The following LAMA3 variants were observed in gnomAD, a reference collection of about 807,000 sequenced individuals.
LAMA3 encodes the protein laminin subunit alpha 3.
LAMA3 carries 281 observed loss-of-function variants against 402.0 expected under a neutral mutation model. The observed-to-expected ratio is 0.70, with a 90% CI of 0.63 to 0.77. The LOEUF (loss-of-function observed/expected upper bound fraction) is 0.77. Among genes scored for constraint, LAMA3 ranks in the 30% least tolerant of loss-of-function variants. The pLI, the probability that LAMA3 is intolerant of heterozygous loss-of-function variation, is 0.00. For missense variants in LAMA3, 3,840 were observed against 4,215.5 expected (o/e 0.91, Z 2.47); for synonymous variants, 1,431 against 1,558.4 (o/e 0.92, Z 1.93).
intron 10 of LAMA3, among the ~76,000 whole-genome samples, chr18:23,776,913 T>C (rs760019683): frequency 9.3e-5 from 14 of 151,182 alleles, no homozygotes; most frequent in Non-Finnish European, 1.6e-4. Context: ...CGATCTTGGC[T>C]CACTGCAACC....
At chr18:23,877,467 ACAGGG>A (rs2064759786) in intron 39 of LAMA3, among the ~76,000 whole-genome samples, 1 of 152,204 alleles carries the variant, frequency 6.6e-6, no homozygotes, top group African/African-American at 2.4e-5. Flanking sequence ...CTCCAGGAAT[ACAGGG>A]CTTCAGTTGT....
chr18:23,924,616 C>T (rs1382471785), intron 62 of LAMA3, among the ~76,000 whole-genome samples: 1 of 141,998 alleles, frequency 7.0e-6, no homozygotes, highest in Non-Finnish European at 1.5e-5. Context: ...ATAATCTCGG[C>T]TTACTGCAAC....
intron 12 of LAMA3, among the ~76,000 whole-genome samples, chr18:23,799,270 C>G (rs2062824519): frequency 6.6e-6 from 1 of 152,102 alleles, no homozygotes; most frequent in Non-Finnish European, 1.5e-5. Context: ...ATAAAATACT[C>G]CGGAAACTCC....
Position 23,890,001 on chromosome 18 carries a change from T to C in LAMA3, c.5304-10T>C, listed in dbSNP as rs1164778280. 1 of 1,601,140 alleles carries C rather than the reference T, an allele frequency of 6.2e-7. No homozygotes were observed. Among genetic ancestry groups the C allele is most frequent in the East Asian group, 2.2e-5 (1 of 44,806 alleles). On this transcript the variant is annotated splice_polypyrimidine_tract_variant and intron_variant, in intron 41 of 74. Coordinates refer to ENST00000313654, the MANE Select transcript of LAMA3 (RefSeq NM_198129.4). The stretch of plus-strand genomic sequence containing the variant: ...TTGGGTGTTTCTCCTCCTCTCTATA[T>C]TTTGTGTAGGTGTGCACCGGGATAT...
chr18:23,779,916 G>A (rs185283295), intron 11 of LAMA3, among the ~76,000 whole-genome samples: 5 of 152,288 alleles, frequency 3.3e-5, no homozygotes, highest in Admixed American at 6.5e-5. Context: ...GTGCATTATT[G>A]CACTGTGTGT....
At chr18:23,906,463 C>G (rs1461543136) in intron 52 of LAMA3, among the ~76,000 whole-genome samples, 1 of 152,132 alleles carries the variant, frequency 6.6e-6, no homozygotes, top group Admixed American at 6.5e-5. Flanking sequence ...ATTAAACTCT[C>G]TCAATCTCAC....
intron 1 of LAMA3, among the ~76,000 whole-genome samples, chr18:23,691,411 A>G (rs1176995985): frequency 1.3e-5 from 2 of 152,196 alleles, no homozygotes; most frequent in Non-Finnish European, 2.9e-5. Flanking sequence ...GAAACTAAAA[A>G]TATAAAATAA....
intron 11 of LAMA3, among the ~76,000 whole-genome samples, chr18:23,778,408 T>C (rs2062367673): frequency 6.6e-6 from 1 of 151,974 alleles, no homozygotes; most frequent in South Asian, 2.1e-4. Flanking sequence ...GCAAGGAAAA[T>C]AGCTAATTCA....
At position 23,895,069 on chromosome 18, in the gene LAMA3, T is replaced by C; in HGVS notation, c.5613+11T>C. 3 of 1,583,742 alleles carry C rather than the reference T, an allele frequency of 1.9e-6. No homozygotes were observed. The highest frequency in any genetic ancestry group is 2.3e-5 in the South Asian group (2 of 87,274). On this transcript the variant is annotated intron_variant, in intron 44 of 74. Coordinates refer to ENST00000313654, the MANE Select transcript of LAMA3 (RefSeq NM_198129.4). The stretch of plus-strand genomic sequence containing the variant: ...GCCAAGGACCTGAGGGTAAATCCCC[T>C]GCGGCCGAGAGTAGACACGTGGGGA...
intron 42 of LAMA3, among the ~76,000 whole-genome samples, chr18:23,892,903 CAAAAA>C (rs34079963): frequency 1.4e-5 from 1 of 69,458 alleles, no homozygotes; most frequent in African/African-American, 4.4e-5. Flanking sequence ...AACTCTGTCT[CAAAAA>C]AAAAAAAAAA....
intron 1 of LAMA3, among the ~76,000 whole-genome samples, chr18:23,699,138 CG>C (rs2060745026): frequency 6.6e-6 from 1 of 152,058 alleles, no homozygotes; most frequent in African/African-American, 2.4e-5. Flanking sequence ...AGCCTCACAA[CG>C]AGGTTGGGAG....
intron 52 of LAMA3, 68 bp from the exon 53 acceptor site, chr18:23,907,482 G>A (rs561868127): frequency 8.8e-7 from 1 of 1,138,956 alleles, no homozygotes; most frequent in Admixed American, 1.7e-5. Flanking sequence ...TACTTCAGGG[G>A]CCACAAATAC....
In LAMA3 at chr18:23,742,344, A is replaced by G. The variant is rs561793964; in HGVS notation, c.448-5599A>G. Among the ~76,000 whole-genome samples, 592 of 152,300 alleles carry G rather than the reference A, an allele frequency of 3.9e-3. 2 individuals carry two copies. Among genetic ancestry groups the G allele is most frequent in the Non-Finnish European group, 5.7e-3 (390 of 68,020 alleles). ...GATTAAAGGGGACAAAAGAGACCTGACGACTCACTGCCGTATGTAATCCTT... is the reference window on the plus strand; with the variant it reads ...GATTAAAGGGGACAAAAGAGACCTGGCGACTCACTGCCGTATGTAATCCTT... On this transcript the variant is annotated intron_variant, in intron 2 of 74. Transcript: ENST00000313654.
rs763936630 is a variant in LAMA3 at position 23,748,050 on chromosome 18, A to G, written c.555A>G (p.Gln185=). The G allele has an allele frequency of 1.3e-6, 2 of 1,589,222 alleles. No individual in the cohort carries two copies. The highest frequency in any genetic ancestry group is 2.2e-5 in the South Asian group (2 of 90,570). Residue 185 remains glutamine (Q), a synonymous_variant, in exon 3 of 75, where the codon CAA becomes CAG. Transcript: ENST00000313654. ...VDFGSTYSPW[Q]YFAHSKVDCL... ...TTGGAAGCACCTACTCACCATGGCA[A>G]TATTTTGCTCGTAAGTAATCTTGCC... is the stretch of plus-strand genomic sequence containing the variant.
intron 48 of LAMA3, among the ~76,000 whole-genome samples, chr18:23,901,810 G>A (rs2081079067): frequency 6.6e-6 from 1 of 152,118 alleles, no homozygotes; most frequent in Non-Finnish European, 1.5e-5. Flanking sequence ...TTAGAGCTCT[G>A]GATTTTGCAG....
rs2063728709 is a variant in LAMA3 at position 23,842,636 on chromosome 18, C to T, written c.3489C>T (p.Pro1163=). 1 of 1,614,160 alleles carries T rather than the reference C, an allele frequency of 6.2e-7. No individual in the cohort carries two copies. Among genetic ancestry groups the T allele is most frequent in the South Asian group, 1.1e-5 (1 of 91,082 alleles). Residue 1163 remains proline, a synonymous_variant, in exon 29 of 75, where the codon CCC becomes CCT. Coordinates refer to ENST00000313654, the MANE Select transcript of LAMA3 (RefSeq NM_198129.4). ...RAGSFHASFC[P]HVLGCRDQVI... is the part of the protein sequence containing the mutation. ...GCTCCTTCCATGCCTCTTTTTGCCC[C>T]CATGTGCTTGGCTGCCGGGATCAAG...
intron 67 of LAMA3, among the ~76,000 whole-genome samples, 171 bp from the exon 68 acceptor site, chr18:23,939,052 C>T (rs532582801): frequency 4.6e-5 from 7 of 152,146 alleles, no homozygotes; most frequent in African/African-American, 1.7e-4. Flanking sequence ...CAGTCAGTGA[C>T]CCGCAGGAAG....
At chr18:23,900,605 G>A (rs1167430060) in intron 47 of LAMA3, among the ~76,000 whole-genome samples, 3 of 152,152 alleles carry the variant, frequency 2.0e-5, no homozygotes, top group Non-Finnish European at 4.4e-5. Context: ...TGCCTCGTTA[G>A]TTCAAAACTG....
intron 2 of LAMA3, among the ~76,000 whole-genome samples, chr18:23,741,439 A>G (rs1285498696): frequency 6.6e-6 from 1 of 152,128 alleles, no homozygotes; most frequent in African/African-American, 2.4e-5. Context: ...AAAATGTCAA[A>G]CCAGGTTAAT....
Sources: gnomAD v4.1 joint callset for allele counts (sites outside exome capture counted in the v4.1 genomes callset) on GRCh38, gnomAD v4.1.1 for gene constraint, MANE v1.5 for transcripts, NCBI Gene and HGNC (gene_info 2026-07-23, HGNC 2026-07-21) for gene names.